The following RORA variants were observed in gnomAD, a reference collection of about 807,000 sequenced individuals.
RORA encodes the protein nuclear receptor ROR-alpha.
RORA carries 7 observed loss-of-function variants against 69.5 expected under a neutral mutation model. The observed-to-expected ratio is 0.10, with a 90% CI of 0.06 to 0.19. The LOEUF (loss-of-function observed/expected upper bound fraction) is 0.19, where lower values mean the gene tolerates loss of function less well. Among genes scored for constraint, RORA ranks in the 10% least tolerant of loss-of-function variants. RORA has a pLI of 1.00. For synonymous variants in RORA, 261 were observed against 240.8 expected (o/e 1.08, Z -0.78); for missense variants, 457 against 663.0 (o/e 0.69, Z 3.41).
Position 61,056,495 on chromosome 15 carries a change from G to A in RORA, c.166+172558C>T, listed in dbSNP as rs946955610. ...AAAACCCAGGATTATTCAGAAGTAC[G>A]GAATTAACCATATTTTGGGTAAATA... On this transcript the variant is annotated intron_variant, in intron 1 of 10. Coordinates refer to ENST00000335670, the MANE Select transcript of RORA (RefSeq NM_134261.3). 1.6e-4 allele frequency among the ~76,000 whole-genome samples: 25 copies of A among 152,150 alleles called. No individual in the cohort carries two copies. In the East Asian group the frequency reaches 2.5e-3, roughly 15 times the overall value.
chr15:61,061,587 C>G lies in RORA; in HGVS notation c.166+167466G>C, dbSNP rs2078187718. Among the ~76,000 whole-genome samples, 1 of 151,986 alleles carries G rather than the reference C, an allele frequency of 6.6e-6. No homozygotes were observed. Among genetic ancestry groups the G allele is most frequent in the Non-Finnish European group, 1.5e-5 (1 of 68,020 alleles). ...GTAACTTACGTACCAACCTCTAAGCCCCTTTATGGTTGATTCATTCCTAGG... is the reference window on the plus strand; with the variant it reads ...GTAACTTACGTACCAACCTCTAAGCGCCTTTATGGTTGATTCATTCCTAGG... On this transcript the variant is annotated intron_variant, in intron 1 of 10. Coordinates refer to ENST00000335670, the MANE Select transcript of RORA (RefSeq NM_134261.3). The surrounding 1 kb of genome is among the most constrained non-coding windows in gnomAD (Gnocchi z 4.4).
intron 1 of RORA, among the ~76,000 whole-genome samples, chr15:61,015,173 A>G (rs1595878974): frequency 6.6e-6 from 1 of 152,212 alleles, no homozygotes; most frequent in East Asian, 1.9e-4. Flanking sequence ...CTTGCCATGC[A>G]CAGGTACCGG....
At chr15:60,656,027 A>G (rs2070216379) in intron 2 of RORA, among the ~76,000 whole-genome samples, 1 of 152,232 alleles carries the variant, frequency 6.6e-6, no homozygotes, top group Non-Finnish European at 1.5e-5. Flanking sequence ...AATATTTTCT[A>G]CCAAACTGGA....
chr15:60,852,205 A>G (rs2073334067), intron 1 of RORA, among the ~76,000 whole-genome samples: 1 of 152,036 alleles, frequency 6.6e-6, no homozygotes, highest in Non-Finnish European at 1.5e-5. Context: ...AATACCAACG[A>G]TGTGTCTGGC....
chr15:60,971,779 C>T (rs914403656), intron 1 of RORA, among the ~76,000 whole-genome samples: 3 of 152,192 alleles, frequency 2.0e-5, no homozygotes, highest in African/African-American at 7.2e-5. Flanking sequence ...TTCCTTTTGG[C>T]CAGTAAGAAT....
At chr15:60,967,333 A>G (rs1893582852) in intron 1 of RORA, among the ~76,000 whole-genome samples, 1 of 152,184 alleles carries the variant, frequency 6.6e-6, no homozygotes, top group South Asian at 2.1e-4. Context: ...CTACTTCATT[A>G]CCCCTACCCC....
chr15:60,774,066 G>A (rs2072121568), intron 1 of RORA, among the ~76,000 whole-genome samples: 1 of 152,112 alleles, frequency 6.6e-6, no homozygotes, highest in Non-Finnish European at 1.5e-5. Flanking sequence ...CACTAACGTG[G>A]CACAGCTGTG....
intron 2 of RORA, among the ~76,000 whole-genome samples, chr15:60,673,894 C>T (rs948802605): frequency 6.6e-6 from 1 of 152,144 alleles, no homozygotes; most frequent in African/African-American, 2.4e-5. Flanking sequence ...TAGTCATGAC[C>T]CACTGCCAAC....
chr15:60,682,925 G>A (rs182997508), intron 1 of RORA, among the ~76,000 whole-genome samples: 10 of 152,336 alleles, frequency 6.6e-5, no homozygotes, highest in South Asian at 2.1e-4. Flanking sequence ...TACACCCTGC[G>A]CCCAAAGTGA....
chr15:60,997,701 C>A (rs530586058), intron 1 of RORA, among the ~76,000 whole-genome samples: 16 of 152,262 alleles, frequency 1.1e-4, no homozygotes, highest in Non-Finnish European at 1.8e-4. Flanking sequence ...ATTTATGTTG[C>A]TGCTGTCCCA....
At chr15:61,101,484 G>A (rs903842549) in intron 1 of RORA, among the ~76,000 whole-genome samples, 10 of 152,084 alleles carry the variant, frequency 6.6e-5, no homozygotes, top group East Asian at 1.9e-4. Flanking sequence ...ATACATTCAC[G>A]AAACTGATAG....
At chr15:60,766,035 A>T (rs2071984039) in intron 1 of RORA, among the ~76,000 whole-genome samples, 1 of 152,176 alleles carries the variant, frequency 6.6e-6, no homozygotes, top group Non-Finnish European at 1.5e-5. Flanking sequence ...GTTTTAATGA[A>T]TGGCTTCTAA....
chr15:60,676,249 C>T (rs991975802), intron 2 of RORA, among the ~76,000 whole-genome samples: 6 of 152,098 alleles, frequency 3.9e-5, no homozygotes, highest in South Asian at 2.1e-4. Flanking sequence ...AGCTGTGGGC[C>T]CTGTGGAGAT....
At chr15:60,688,743 GTATTT>G (rs2070781723) in intron 1 of RORA, among the ~76,000 whole-genome samples, 1 of 152,190 alleles carries the variant, frequency 6.6e-6, no homozygotes, top group South Asian at 2.1e-4. Flanking sequence ...TTAGTACCAT[GTATTT>G]TACACAGTGC....
intron 1 of RORA, among the ~76,000 whole-genome samples, chr15:61,222,045 A>T (rs1427415802): frequency 1.3e-5 from 2 of 152,204 alleles, no homozygotes; most frequent in Non-Finnish European, 2.9e-5. Flanking sequence ...CTAGGAGATT[A>T]TAAATCCTCT....
chr15:60,524,048 C>G (rs1278841002), intron 3 of RORA, among the ~76,000 whole-genome samples: 1 of 152,184 alleles, frequency 6.6e-6, no homozygotes, highest in Admixed American at 6.5e-5. Context: ...CAGGCATCAT[C>G]TTTCCCTCAG....
intron 1 of RORA, among the ~76,000 whole-genome samples, chr15:60,836,567 C>T (rs975946489): frequency 1.3e-5 from 2 of 152,166 alleles, no homozygotes; most frequent in Non-Finnish European, 2.9e-5. Flanking sequence ...CTCCCTGGGT[C>T]TAAGCTCCCT....
At chr15:60,909,156 G>A (rs1349257532) in intron 1 of RORA, among the ~76,000 whole-genome samples, 2 of 152,176 alleles carry the variant, frequency 1.3e-5, no homozygotes, top group Non-Finnish European at 2.9e-5. Context: ...CCAGCGGTGA[G>A]CATAACAGAG....
At chr15:60,820,560 C>G (rs1431155151) in intron 1 of RORA, among the ~76,000 whole-genome samples, 1 of 150,860 alleles carries the variant, frequency 6.6e-6, no homozygotes, top group Non-Finnish European at 1.5e-5. Context: ...ATTCTCTTTT[C>G]TGTAAAATTT....
Sources: gnomAD v4.1 joint callset for allele counts (sites outside exome capture counted in the v4.1 genomes callset) on GRCh38, gnomAD v4.1.1 for gene constraint, Gnocchi (gnomAD v3.1) non-coding constraint, MANE v1.5 for transcripts, NCBI Gene and HGNC (gene_info 2026-07-23, HGNC 2026-07-21) for gene names.